Variants in TANC2 observed in about 807,000 individuals in gnomAD.
TANC2 encodes the protein tetratricopeptide repeat, ankyrin repeat and coiled-coil containing 2.
Under a neutral mutation model 210.5 loss-of-function variants are expected in TANC2, and 26 were observed. That is an observed-to-expected ratio of 0.12 (90% CI 0.09 to 0.17). TANC2 has a LOEUF of 0.17. Ranked by LOEUF, TANC2 falls within the 10% of genes least tolerant of loss-of-function variation. The probability of loss-of-function intolerance (pLI) is 1.00; values close to 1 mark genes in which losing one functional copy is unlikely to be tolerated. For missense variants in TANC2, 2,129 were observed against 2,608.9 expected, an observed-to-expected ratio of 0.82 and a Z score of 4.01; for synonymous variants, 931 against 967.1, an observed-to-expected ratio of 0.96 and a Z score of 0.69.
intron 7 of TANC2, among the ~76,000 whole-genome samples, chr17:63,211,020 C>T (rs1229741723): frequency 6.6e-6 from 1 of 152,086 alleles, no homozygotes; most frequent in Non-Finnish European, 1.5e-5. Flanking sequence ...TATTTCTCAT[C>T]CCTGTATTTT....
intron 3 of TANC2, among the ~76,000 whole-genome samples, chr17:63,084,936 G>C (rs529710653): frequency 4.6e-5 from 7 of 152,248 alleles, no homozygotes; most frequent in African/African-American, 1.7e-4. Context: ...CGCTTGAAAA[G>C]AATGTGTATT....
At chr17:63,237,233 GA>G (rs749678376) in intron 7 of TANC2, among the ~76,000 whole-genome samples, 54 of 152,136 alleles carry the variant, frequency 3.5e-4, no homozygotes, top group Admixed American at 9.8e-4. Flanking sequence ...CTAATATTGA[GA>G]TTTTTTTCAT....
intron 9 of TANC2, among the ~76,000 whole-genome samples, chr17:63,311,284 T>A (rs1436152850): frequency 6.6e-6 from 1 of 151,986 alleles, no homozygotes; most frequent in Non-Finnish European, 1.5e-5. Flanking sequence ...AATGGAAGAG[T>A]CTACACATAT....
chr17:63,090,833 A>G (rs1361324411), intron 3 of TANC2, among the ~76,000 whole-genome samples: 1 of 152,180 alleles, frequency 6.6e-6, no homozygotes, highest in Non-Finnish European at 1.5e-5. Flanking sequence ...AACAGTGTAA[A>G]AGTGTTCCTA....
At chr17:63,055,965 C>CAAAAAAAAAAA (rs869063496) in intron 2 of TANC2, among the ~76,000 whole-genome samples, 2 of 52,614 alleles carry the variant, frequency 3.8e-5, no homozygotes, top group African/African-American at 1.5e-4. Context: ...TCATCTCTAC[C>CAAAAAAAAAAA]AAAAAAAAAA....
At chr17:63,314,045 G>GGT (rs1308828734) in intron 9 of TANC2, among the ~76,000 whole-genome samples, 1 of 152,184 alleles carries the variant, frequency 6.6e-6, no homozygotes, top group Admixed American at 6.5e-5. Context: ...GAGGCCTTTA[G>GGT]GTCCCTTCTT....
chr17:63,164,840 TC>T lies in TANC2; in HGVS notation c.433+13462del, dbSNP rs537246655. Among the ~76,000 whole-genome samples the T allele has an allele frequency of 9.2e-5, 14 of 152,336 alleles. No individual in the cohort carries two copies. The East Asian group carries it at 2.5e-3, about 27-fold the overall frequency. On this transcript the variant is annotated intron_variant, in intron 5 of 27. Transcript: ENST00000689528. ...CAGACCCTCAGCAGATTGGACAATG[TC>T]CATTCACATTGGTGAAGATGATCTT...
At chr17:63,150,678 G>A (rs2039619329) in intron 4 of TANC2, 1 of 152,156 alleles carries the variant, frequency 6.6e-6, no homozygotes, top group Non-Finnish European at 1.5e-5. Context: ...GAGAAGTAAG[G>A]TAATTGATTT....
chr17:63,350,571 G>A (rs1014236748), intron 12 of TANC2, among the ~76,000 whole-genome samples: 9 of 152,184 alleles, frequency 5.9e-5, no homozygotes, highest in Non-Finnish European at 1.0e-4. Context: ...AAACACAGCA[G>A]ATGTTTGTCT....
exon 28 of TANC2, chr17:63,426,686 A>G (rs978175580): frequency 6.6e-6 from 1 of 152,108 alleles, no homozygotes; most frequent in Admixed American, 6.5e-5. Context: ...CCTCCTGCTG[A>G]CTCTGATACC....
chr17:63,327,267 G>A (rs1186509278), intron 11 of TANC2, among the ~76,000 whole-genome samples: 1 of 152,258 alleles, frequency 6.6e-6, no homozygotes, highest in Non-Finnish European at 1.5e-5. Context: ...TCTTTACGTT[G>A]TTGGTGGGAA....
chr17:63,207,616 A>G (rs535529810), intron 7 of TANC2, among the ~76,000 whole-genome samples: 1 of 152,320 alleles, frequency 6.6e-6, no homozygotes, highest in South Asian at 2.1e-4. Flanking sequence ...TACTGTATGA[A>G]TATAGCACAT....
chr17:63,355,939 A>G (rs1269398046), intron 14 of TANC2, among the ~76,000 whole-genome samples: 1 of 152,206 alleles, frequency 6.6e-6, no homozygotes, highest in African/African-American at 2.4e-5. Context: ...TGCTGCCTTT[A>G]GATACGTAAG....
At chr17:63,224,408 C>T (rs143445208) in intron 7 of TANC2, among the ~76,000 whole-genome samples, 48 of 152,194 alleles carry the variant, frequency 3.2e-4, no homozygotes, top group Non-Finnish European at 5.7e-4. Flanking sequence ...CGCACCACCA[C>T]GCCCAGCTAA....
chr17:63,019,856 A>C (rs1232395039), intron 2 of TANC2, among the ~76,000 whole-genome samples: 1 of 152,176 alleles, frequency 6.6e-6, no homozygotes, highest in South Asian at 2.1e-4. Context: ...AGAGTTCGCT[A>C]TATATTCTAG....
chr17:63,100,615 T>C (rs2037584833), intron 4 of TANC2, among the ~76,000 whole-genome samples: 1 of 152,102 alleles, frequency 6.6e-6, no homozygotes, highest in Non-Finnish European at 1.5e-5. Context: ...ACTAAAAATA[T>C]AAAAATCCCA....
intron 5 of TANC2, among the ~76,000 whole-genome samples, chr17:63,176,821 A>C (rs982160446): frequency 6.6e-6 from 1 of 151,696 alleles, no homozygotes; most frequent in East Asian, 1.9e-4. Flanking sequence ...AAAAAAAAAA[A>C]AAAACAGGAA....
intron 11 of TANC2, chr17:63,339,202 CT>C (rs2046143493): frequency 6.6e-6 from 1 of 152,216 alleles, no homozygotes; most frequent in East Asian, 1.9e-4. Flanking sequence ...ATGCTGAGTG[CT>C]TTCTCTACAT....
rs2037815233 is a variant in TANC2 at position 63,106,158 on chromosome 17, T to G, written c.322+6801T>G. Among the ~76,000 whole-genome samples, 2 of 151,608 alleles carry G rather than the reference T, an allele frequency of 1.3e-5. 1 individual carries two copies. The highest frequency in any genetic ancestry group is 4.9e-5 in the African/African-American group (2 of 40,904). On this transcript the variant is annotated intron_variant, in intron 4 of 27. Transcript: ENST00000689528. ...AAAAAAGGGGGGGCCCTTATTTCCT[T>G]GAAGAGGTTATTTCTGTAGTCTTCC... is the stretch of plus-strand genomic sequence containing the variant.
Sources: gnomAD v4.1 joint callset for allele counts (sites outside exome capture counted in the v4.1 genomes callset) on GRCh38, gnomAD v4.1.1 for gene constraint, MANE v1.5 for transcripts, NCBI Gene and HGNC (gene_info 2026-07-23, HGNC 2026-07-21) for gene names.